The following NTRK2 variants were observed in gnomAD, a reference collection of about 807,000 sequenced individuals.
The protein encoded by NTRK2 is BDNF/NT-3 growth factors receptor.
NTRK2 carries 13 observed loss-of-function variants against 94.5 expected under a neutral mutation model. That is an observed-to-expected ratio of 0.14 (90% CI 0.09 to 0.22). The LOEUF is 0.22. Among genes scored for constraint, NTRK2 ranks in the 10% least tolerant of loss-of-function variants. NTRK2 has a pLI of 1.00. For missense variants in NTRK2, 639 were observed against 1,071.2 expected, an observed-to-expected ratio of 0.60 and a Z score of 5.63; for synonymous variants, 372 against 407.4, an observed-to-expected ratio of 0.91 and a Z score of 1.05.
intron 12 of NTRK2, among the ~76,000 whole-genome samples, chr9:84,840,691 G>GCACCATT (rs1156375476): frequency 6.6e-6 from 1 of 152,084 alleles, no homozygotes; most frequent in African/African-American, 2.4e-5. Context: ...CATGCACCAT[G>GCACCATT]CCCCAATCTA....
chr9:84,819,155 G>A (rs893945438), intron 12 of NTRK2, among the ~76,000 whole-genome samples: 8 of 152,164 alleles, frequency 5.3e-5, no homozygotes, highest in Non-Finnish European at 2.9e-5. Context: ...TTGCCAAGAA[G>A]GAAAGGAGAA....
intron 17 of NTRK2, among the ~76,000 whole-genome samples, chr9:84,961,153 A>G (rs1189362816): frequency 2.0e-5 from 3 of 152,226 alleles, no homozygotes; most frequent in Non-Finnish European, 4.4e-5. Context: ...AACTATGTCT[A>G]GAACCTTTGA....
chr9:84,898,853 C>A (rs1423959390), intron 14 of NTRK2, among the ~76,000 whole-genome samples: 1 of 152,146 alleles, frequency 6.6e-6, no homozygotes, highest in African/African-American at 2.4e-5. Context: ...CAGGCATGCA[C>A]CACCACGCCC....
At chr9:84,678,509 C>T (rs544154296) in intron 2 of NTRK2, among the ~76,000 whole-genome samples, 1 of 152,216 alleles carries the variant, frequency 6.6e-6, no homozygotes, top group Non-Finnish European at 1.5e-5. Context: ...ACCCCAGAGT[C>T]CCTTGCTGTG....
At chr9:84,907,327 CA>C (rs1432259598) in intron 14 of NTRK2, among the ~76,000 whole-genome samples, 1 of 152,150 alleles carries the variant, frequency 6.6e-6, no homozygotes, top group Non-Finnish European at 1.5e-5. Flanking sequence ...GGATAAGTTG[CA>C]TAGCCATTTC....
intron 17 of NTRK2, among the ~76,000 whole-genome samples, chr9:84,978,924 G>A (rs534430813): frequency 2.6e-5 from 4 of 152,318 alleles, no homozygotes; most frequent in African/African-American, 9.6e-5. Flanking sequence ...CAGCACATCT[G>A]TTTACACCAT....
Position 85,021,730 on chromosome 9 carries a change from G to A in NTRK2, c.*293G>A, listed in dbSNP as rs199711199. The stretch of plus-strand genomic sequence containing the variant: ...TTTTTTTTCGTCTTCCCTGCTTCAC[G>A]ATTCTTACCCTTTCTTTTGAATCAA... On this transcript the variant is annotated 3_prime_UTR_variant, in exon 19 of 19. Transcript: ENST00000277120. The A allele has an allele frequency of 1.8e-5, 8 of 451,670 alleles. No homozygotes were observed. Among genetic ancestry groups the A allele is most frequent in the Middle Eastern group, 5.9e-4 (1 of 1,682 alleles). The allele number at this position is 451,670 out of a possible 1,614,324, so 28.0% of individuals were successfully genotyped here.
At chr9:84,965,992 C>G (rs191760251) in intron 17 of NTRK2, among the ~76,000 whole-genome samples, 19 of 152,308 alleles carry the variant, frequency 1.2e-4, no homozygotes, top group Admixed American at 9.2e-4. Context: ...ACCAGGGTTT[C>G]TCTTTCTGCA....
chr9:84,679,823 C>T (rs554427417), intron 2 of NTRK2, among the ~76,000 whole-genome samples: 231 of 152,306 alleles, frequency 1.5e-3, no homozygotes, highest in African/African-American at 5.2e-3. Context: ...CCAGCTCTGC[C>T]GTTGAGGCTG....
intron 12 of NTRK2, chr9:84,814,763 T>C (rs2072203983): frequency 9.4e-7 from 1 of 1,064,274 alleles, no homozygotes; most frequent in East Asian, 5.0e-5. Context: ...AGCAATTCCA[T>C]CTAGCATAGG....
chr9:84,811,125 C>T (rs200297418), intron 12 of NTRK2: 53 of 1,066,822 alleles, frequency 5.0e-5, no homozygotes, highest in Non-Finnish European at 5.7e-5. Context: ...AACACAGTGA[C>T]TAAAAGAGTT....
chr9:84,821,786 T>G (rs1051599366), intron 12 of NTRK2, among the ~76,000 whole-genome samples: 8 of 149,752 alleles, frequency 5.3e-5, no homozygotes, highest in Non-Finnish European at 1.2e-4. Flanking sequence ...CCTTATAATA[T>G]TAACCCTCTT....
chr9:84,872,967 C>A, intron 14 of NTRK2: 1 of 1,064,650 alleles, frequency 9.4e-7, no homozygotes, highest in Non-Finnish European at 1.1e-6. Flanking sequence ...TTCACAGAAC[C>A]GCAGAGGTTT....
intron 14 of NTRK2, among the ~76,000 whole-genome samples, chr9:84,929,686 C>T (rs539034071): frequency 2.0e-5 from 3 of 152,042 alleles, no homozygotes; most frequent in Non-Finnish European, 4.4e-5. Flanking sequence ...CTCAGTCTCC[C>T]GGGTAGCTGG....
At chr9:84,854,548 A>C (rs901355089) in intron 12 of NTRK2, among the ~76,000 whole-genome samples, 1 of 152,052 alleles carries the variant, frequency 6.6e-6, no homozygotes, top group African/African-American at 2.4e-5. Flanking sequence ...GATGATAGAG[A>C]GTGGAAAGGG....
At chr9:84,752,412 G>A (rs2064711654) in intron 12 of NTRK2, among the ~76,000 whole-genome samples, 1 of 152,188 alleles carries the variant, frequency 6.6e-6, no homozygotes, top group South Asian at 2.1e-4. Context: ...AGTGGGGATA[G>A]GATAACCTGG....
intron 17 of NTRK2, among the ~76,000 whole-genome samples, chr9:84,984,846 T>A (rs1453367272): frequency 3.3e-5 from 5 of 152,262 alleles, no homozygotes; most frequent in Non-Finnish European, 7.3e-5. Flanking sequence ...CTCTATTTCA[T>A]ATTTTTGTTG....
rs922688734 is a variant in NTRK2 at position 84,949,643 on chromosome 9, T to C, written c.1937+1009T>C. The stretch of plus-strand genomic sequence containing the variant: ...CCACCATGTCTGGTAATTTTCATAT[T>C]TTTGTAAAGACAGGGTTTTGCCATG... On this transcript the variant is annotated intron_variant, in intron 16 of 18. Transcript: ENST00000277120. 4.6e-5 allele frequency among the ~76,000 whole-genome samples: 7 copies of C among 152,136 alleles called. No homozygotes were observed. In the East Asian group the frequency reaches 1.2e-3, roughly 25 times the overall value.
chr9:84,956,924 G>A (rs1824208764), intron 17 of NTRK2, among the ~76,000 whole-genome samples: 1 of 151,780 alleles, frequency 6.6e-6, no homozygotes, highest in African/African-American at 2.4e-5. Flanking sequence ...GAGACCACAT[G>A]GAAAAAGATT....
Sources: allele counts gnomAD v4.1 joint callset (sites outside exome capture counted in the v4.1 genomes callset), GRCh38; gene constraint gnomAD v4.1.1; transcripts MANE v1.5; gene names NCBI Gene and HGNC (gene_info 2026-07-23, HGNC 2026-07-21).